Variants in SYT16 observed in about 807,000 individuals in gnomAD.
SYT16 encodes the protein synaptotagmin-16.
Under a neutral mutation model 61.4 loss-of-function variants are expected in SYT16, and 42 were observed. The observed-to-expected ratio is 0.68, with a 90% CI of 0.53 to 0.89. The LOEUF (loss-of-function observed/expected upper bound fraction) is 0.89. Ranked by LOEUF, SYT16 falls within the 40% of genes least tolerant of loss-of-function variation. The pLI is 0.00. For missense variants in SYT16, 804 were observed against 807.3 expected (o/e 1.00, Z 0.05); for synonymous variants, 314 against 302.3 (o/e 1.04, Z -0.40).
chr14:62,097,754 A>G (rs2057314683), intron 7 of SYT16, among the ~76,000 whole-genome samples: 1 of 152,214 alleles, frequency 6.6e-6, no homozygotes. Flanking sequence ...TCTCATAATT[A>G]GAAAATACTC....
At chr14:61,859,340 C>G (rs527320274) in intron 1 of SYT16, among the ~76,000 whole-genome samples, 2 of 152,012 alleles carry the variant, frequency 1.3e-5, no homozygotes, top group African/African-American at 2.4e-5. Flanking sequence ...CGGCCAGACA[C>G]GGAGAGTTCA....
intron 1 of SYT16, among the ~76,000 whole-genome samples, chr14:61,827,826 A>G (rs1360490799): frequency 6.6e-6 from 1 of 152,172 alleles, no homozygotes; most frequent in Non-Finnish European, 1.5e-5. Context: ...TCTTACCACC[A>G]TATAAGTCCC....
At chr14:61,988,308 G>C (rs563325383) in intron 2 of SYT16, among the ~76,000 whole-genome samples, 13 of 152,256 alleles carry the variant, frequency 8.5e-5, no homozygotes, top group Admixed American at 8.5e-4. Context: ...ATGGATTTCT[G>C]TGCGAGAGCA....
At chr14:62,080,044 A>G (rs1223629817) in intron 5 of SYT16, among the ~76,000 whole-genome samples, 1 of 152,218 alleles carries the variant, frequency 6.6e-6, no homozygotes. Flanking sequence ...TAGACTACCG[A>G]GAGGCTGGTC....
At chr14:61,854,140 A>G (rs1413236728) in intron 1 of SYT16, among the ~76,000 whole-genome samples, 1 of 152,204 alleles carries the variant, frequency 6.6e-6, no homozygotes, top group African/African-American at 2.4e-5. Flanking sequence ...ACACACATGT[A>G]TACATGTATA....
chr14:61,941,563 GAT>G (rs1452158220), intron 1 of SYT16, among the ~76,000 whole-genome samples: 1 of 152,158 alleles, frequency 6.6e-6, no homozygotes, highest in Non-Finnish European at 1.5e-5. Flanking sequence ...TCCTCCATGA[GAT>G]AAAGCCTTCT....
rs1480143242 is a variant in SYT16, at chr14:62,108,061, C to G, written c.*7354C>G. The stretch of plus-strand genomic sequence containing the variant: ...CAATCTAAACAAAGAGCCCTGCTTA[C>G]CTTTCTGTGACTAAAACTAGTCTTA... On this transcript the variant is annotated 3_prime_UTR_variant, in exon 8 of 8. Transcript: ENST00000683842. The G allele has an allele frequency of 6.6e-6, 1 of 152,170 alleles. No individual in the cohort carries two copies. The highest frequency in any genetic ancestry group is 1.5e-5 in the Non-Finnish European group (1 of 68,042). The allele number at this position is 152,170 out of a possible 1,614,324, so 9.4% of individuals were successfully genotyped here.
At chr14:62,079,994 A>G (rs1319811652) in intron 5 of SYT16, among the ~76,000 whole-genome samples, 2 of 152,210 alleles carry the variant, frequency 1.3e-5, no homozygotes, top group African/African-American at 4.8e-5. Flanking sequence ...CCTCACAACA[A>G]CACACCAGCA....
At chr14:61,891,234 A>G (rs2048114564) in intron 1 of SYT16, among the ~76,000 whole-genome samples, 1 of 95,996 alleles carries the variant, frequency 1.0e-5, no homozygotes, top group South Asian at 3.2e-4. Flanking sequence ...ACGTGCATAC[A>G]CACACGCGCA....
chr14:61,996,648 C>G, intron 3 of SYT16, 106 bp downstream of exon 3: 1 of 1,338,104 alleles, frequency 7.5e-7, no homozygotes. Context: ...TTTTCTCTCT[C>G]TTATACCTTC....
At chr14:61,959,951 C>A (rs1167540644) in intron 1 of SYT16, among the ~76,000 whole-genome samples, 6 of 152,030 alleles carry the variant, frequency 3.9e-5, no homozygotes, top group African/African-American at 1.4e-4. Flanking sequence ...CCACCTTAGC[C>A]TCCCAAGTAT....
chr14:61,866,578 T>C (rs956276808), intron 1 of SYT16, among the ~76,000 whole-genome samples: 1 of 152,156 alleles, frequency 6.6e-6, no homozygotes, highest in Non-Finnish European at 1.5e-5. Flanking sequence ...TCTTTGGTAA[T>C]ATATGTGTTC....
chr14:61,979,907 A>G (rs1160166044), intron 2 of SYT16, among the ~76,000 whole-genome samples: 3 of 152,116 alleles, frequency 2.0e-5, no homozygotes, highest in African/African-American at 4.8e-5. Flanking sequence ...TTCCACTGGG[A>G]TAGTTTTTGA....
chr14:61,921,629 G>T (rs1190452111), intron 1 of SYT16, among the ~76,000 whole-genome samples: 2 of 152,154 alleles, frequency 1.3e-5, no homozygotes, highest in South Asian at 2.1e-4. Context: ...CTGAGCCCTG[G>T]TAGCTTTGTT....
rs2056437520 is a variant in SYT16, at chr14:62,075,154, A to G, written c.756A>G (p.Gln252=). The change falls in exon 5 of 8, where the codon CAA becomes CAG. Residue 252 remains glutamine, a synonymous_variant. Transcript: ENST00000683842. ...ATTTAGATTTGGATGGAGCCAGCCA[A>G]CGGCGTTATTCTGAGAATCTCTCCT... The part of the protein sequence containing the change: ...SACEDLDGAS[Q]RRYSENLSYG... 7 of 1,609,896 alleles carry G rather than the reference A, an allele frequency of 4.3e-6. No individual in the cohort carries two copies. Among genetic ancestry groups the G allele is most frequent in the Non-Finnish European group, 5.1e-6 (6 of 1,177,420 alleles).
intron 3 of SYT16, among the ~76,000 whole-genome samples, chr14:62,057,218 T>C (rs773682369): frequency 6.6e-5 from 10 of 152,190 alleles, no homozygotes; most frequent in Non-Finnish European, 1.2e-4. Context: ...CTCACAGATA[T>C]ACCCAGGAAC....
At chr14:61,906,707 A>ATCCT (rs200148183) in intron 1 of SYT16, among the ~76,000 whole-genome samples, 1 of 81,920 alleles carries the variant, frequency 1.2e-5, no homozygotes, top group Non-Finnish European at 3.1e-5. Context: ...CCATCCATCC[A>ATCCT]TCCTTCCATC....
At chr14:61,963,274 A>C (rs954862387) in intron 1 of SYT16, among the ~76,000 whole-genome samples, 10 of 152,332 alleles carry the variant, frequency 6.6e-5, no homozygotes, top group African/African-American at 2.4e-4. Flanking sequence ...CCCAAAGCTG[A>C]GATAAGCCAA....
intron 3 of SYT16, among the ~76,000 whole-genome samples, chr14:62,020,677 C>T (rs1302255478): frequency 6.6e-6 from 1 of 152,244 alleles, no homozygotes; most frequent in Non-Finnish European, 1.5e-5. Context: ...TTTGGTTAAA[C>T]TCAGGGAATC....
Sources: allele counts gnomAD v4.1 joint callset (sites outside exome capture counted in the v4.1 genomes callset), GRCh38; gene constraint gnomAD v4.1.1; transcripts MANE v1.5; gene names NCBI Gene and HGNC (gene_info 2026-07-23, HGNC 2026-07-21).